Variants in PRDM11 observed in about 807,000 individuals in gnomAD.
PRDM11 encodes the protein PR domain-containing protein 11.
PRDM11 carries 20 observed loss-of-function variants against 97.8 expected under a neutral mutation model. The observed-to-expected ratio is 0.20, with a 90% CI of 0.14 to 0.30. The LOEUF is 0.30. Ranked by LOEUF, PRDM11 falls within the 10% of genes least tolerant of loss-of-function variation. The probability of loss-of-function intolerance (pLI) is 1.00; values close to 1 mark genes in which losing one functional copy is unlikely to be tolerated. For missense variants in PRDM11, 1,139 were observed against 1,555.2 expected, an observed-to-expected ratio of 0.73 and a Z score of 4.50; for synonymous variants, 599 against 637.7, an observed-to-expected ratio of 0.94 and a Z score of 0.91.
chr11:45,186,850 G>T (rs183513500), intron 4 of PRDM11, among the ~76,000 whole-genome samples: 26 of 152,326 alleles, frequency 1.7e-4, no homozygotes, highest in African/African-American at 6.3e-4. Context: ...TCCCACAGCT[G>T]GTCCACAGTA....
At chr11:45,110,543 G>A (rs781439901) in intron 1 of PRDM11, among the ~76,000 whole-genome samples, 3 of 152,204 alleles carry the variant, frequency 2.0e-5, no homozygotes, top group Admixed American at 1.3e-4. Flanking sequence ...AGCTGGAACC[G>A]CCAAGGGGCT....
chr11:45,217,961 A>G (rs745451682), intron 5 of PRDM11, among the ~76,000 whole-genome samples: 30 of 152,296 alleles, frequency 2.0e-4, no homozygotes, highest in Non-Finnish European at 3.8e-4. Flanking sequence ...TATTTCCTTC[A>G]AGTCGTTTAC....
intron 1 of PRDM11, among the ~76,000 whole-genome samples, chr11:45,099,475 A>AT (rs1554963020): frequency 1.4e-5 from 2 of 147,036 alleles, no homozygotes; most frequent in African/African-American, 5.2e-5. Context: ...AAAAAAAAAA[A>AT]TCACAGGCTC....
chr11:45,147,369 CGCCGG>C (rs1175404499), intron 1 of PRDM11: 1 of 152,038 alleles, frequency 6.6e-6, no homozygotes, highest in Non-Finnish European at 1.5e-5. Context: ...CTCGGCCCCG[CGCCGG>C]GGGCTGCTGC....
In PRDM11 at chr11:45,231,139, G is replaced by A. The variant is rs1030812782; in HGVS notation, c.*2980G>A. The A allele has an allele frequency of 6.6e-6, 1 of 152,200 alleles. No homozygotes were observed. Among genetic ancestry groups the A allele is most frequent in the African/African-American group, 2.4e-5 (1 of 41,450 alleles). The allele number at this position is 152,200 out of a possible 1,614,324, so 9.4% of individuals were successfully genotyped here. A position where few individuals can be genotyped will look rare whatever the true frequency, so the allele number is the denominator to read the frequency against. The stretch of plus-strand genomic sequence containing the variant: ...ATGCCAGGGCTGTGGCAGACACTCT[G>A]TAGGCCACACTGCCATGGGACAGGG... On this transcript the variant is annotated 3_prime_UTR_variant, in exon 8 of 8. Coordinates refer to ENST00000683152, the MANE Select transcript of PRDM11 (RefSeq NM_001384648.1).
intron 7 of PRDM11, chr11:45,225,144 AC>A: frequency 7.3e-7 from 1 of 1,377,408 alleles, no homozygotes; most frequent in Non-Finnish European, 9.4e-7. Flanking sequence ...CTGGTGTCTT[AC>A]CCCAAAGCCC....
At chr11:45,149,328 G>C (rs945648843) in intron 1 of PRDM11, among the ~76,000 whole-genome samples, 2 of 152,206 alleles carry the variant, frequency 1.3e-5, no homozygotes, top group Non-Finnish European at 2.9e-5. Context: ...CGAATGATCT[G>C]GCCCCTGCCC....
At chr11:45,190,822 A>G (rs913985917) in intron 4 of PRDM11, among the ~76,000 whole-genome samples, 1 of 152,224 alleles carries the variant, frequency 6.6e-6, no homozygotes, top group African/African-American at 2.4e-5. Context: ...TTAGTCATTA[A>G]AAAAATGCAA....
chr11:45,123,748 C>A (rs1240209312), intron 1 of PRDM11, among the ~76,000 whole-genome samples: 14 of 151,446 alleles, frequency 9.2e-5, no homozygotes, highest in African/African-American at 3.1e-4. Context: ...GTTACTGTAG[C>A]CTTGTAGTAT....
At chr11:45,208,286 G>A (rs1176213764) in intron 5 of PRDM11, among the ~76,000 whole-genome samples, 2 of 152,212 alleles carry the variant, frequency 1.3e-5, no homozygotes, top group African/African-American at 4.8e-5. Context: ...CCACTAGGCA[G>A]AATAAGCTTT....
rs558868568 is a variant in PRDM11 at position 45,233,278 on chromosome 11, G to C, written c.*5119G>C. ...GCAGGCAGGGTTGGCTGGCAAGGGG[G>C]CCTCCTACCCGGAGTGTTGGAGAGG... On this transcript the variant is annotated 3_prime_UTR_variant, in exon 8 of 8. Coordinates refer to ENST00000683152, the MANE Select transcript of PRDM11 (RefSeq NM_001384648.1). 9 of 152,430 alleles carry C rather than the reference G, an allele frequency of 5.9e-5. No homozygotes were observed. The East Asian group carries it at 1.5e-3, about 26-fold the overall frequency. 9.4% of individuals were successfully genotyped at this position (152,430 alleles called of 1,614,324 possible). A position where few individuals can be genotyped will look rare whatever the true frequency, so the allele number is the denominator to read the frequency against.
intron 1 of PRDM11, among the ~76,000 whole-genome samples, chr11:45,181,284 C>A (rs1360781366): frequency 6.6e-6 from 1 of 152,186 alleles, no homozygotes; most frequent in Non-Finnish European, 1.5e-5. Context: ...GGCAAAGGGG[C>A]CTGGCTGCGC....
chr11:45,226,621 A>G lies in PRDM11; in HGVS notation c.1996A>G (p.Ser666Gly). The change falls in exon 8 of 8, where the codon AGC becomes GGC. Residue 666 changes from serine to glycine, a missense_variant. Coordinates refer to ENST00000683152, the MANE Select transcript of PRDM11 (RefSeq NM_001384648.1). ...PCLSVILDGQ[S>G]DDLLADTVAV... ...CCTCAGCGTCATCCTGGATGGGCAG[A>G]GCGACGACCTGCTGGCCGACACGGT... The G allele has an allele frequency of 6.5e-7, 1 of 1,533,966 alleles. No individual in the cohort carries two copies. Among genetic ancestry groups the G allele is most frequent in the South Asian group, 1.2e-5 (1 of 83,962 alleles).
chr11:45,190,923 A>C lies in PRDM11; in HGVS notation c.486+7800A>C, dbSNP rs553686861. 2.0e-5 allele frequency among the ~76,000 whole-genome samples: 3 copies of C among 152,266 alleles called. 1 individual carries two copies. The South Asian group carries it at 6.2e-4, about 32-fold the overall frequency. ...AGTTGGCTGACCCCTGAGCTATTTA[A>C]CCACCATATAATGATTACACCCAGG... On this transcript the variant is annotated intron_variant, in intron 4 of 7. Coordinates refer to ENST00000683152, the MANE Select transcript of PRDM11 (RefSeq NM_001384648.1).
intron 3 of PRDM11, 129 bp downstream of exon 3, chr11:45,182,478 C>T: frequency 1.2e-6 from 1 of 842,846 alleles, no homozygotes; most frequent in Non-Finnish European, 1.8e-6. Context: ...AGGTCCAGGC[C>T]TTGGTTCGTC....
chr11:45,153,262 G>A (rs1221808265), intron 1 of PRDM11, among the ~76,000 whole-genome samples: 1 of 152,240 alleles, frequency 6.6e-6, no homozygotes, highest in Admixed American at 6.5e-5. Flanking sequence ...AGGGAACTGA[G>A]AAGGAGCCAG....
chr11:45,167,296 G>A (rs114184499), intron 1 of PRDM11, among the ~76,000 whole-genome samples: 2,166 of 152,222 alleles, frequency 0.014, 48 homozygotes, highest in African/African-American at 0.049. Flanking sequence ...TGACACACAC[G>A]TGCACACATA....
rs1191008824 is a variant in PRDM11, at chr11:45,134,701, G to GA, written c.96+38825dup. ...GCAACAGAGTGAGACCCTGTCTCACGAAAAAAAAAAAAAAAAAAAAAAAAA... is the reference window on the plus strand; with the variant it reads ...GCAACAGAGTGAGACCCTGTCTCACGAAAAAAAAAAAAAAAAAAAAAAAAAA... On this transcript the variant is annotated intron_variant, in intron 1 of 6. Transcript: ENST00000530656. 9.2e-3 allele frequency among the ~76,000 whole-genome samples: 408 copies of GA among 44,264 alleles called. 53 individuals carry two copies. Among genetic ancestry groups the GA allele is most frequent in the African/African-American group, 0.031 (296 of 9,400 alleles). The allele number at this position is 44,264 out of a possible 152,430, so 29.0% of individuals were successfully genotyped here.
At chr11:45,154,317 C>G (rs1258275653) in intron 1 of PRDM11, among the ~76,000 whole-genome samples, 1 of 152,180 alleles carries the variant, frequency 6.6e-6, no homozygotes, top group Non-Finnish European at 1.5e-5. Flanking sequence ...GATCGCACCA[C>G]TGTACTCCTG....
Sources: allele counts gnomAD v4.1 joint callset (sites outside exome capture counted in the v4.1 genomes callset), GRCh38; gene constraint gnomAD v4.1.1; transcripts MANE v1.5; gene names NCBI Gene and HGNC (gene_info 2026-07-23, HGNC 2026-07-21).